The following BNC2 variants were observed in gnomAD, a reference collection of about 807,000 sequenced individuals.
BNC2 encodes basonuclin zinc finger protein 2, also known as zinc finger protein basonuclin-2.
BNC2 carries 20 observed loss-of-function variants against 76.3 expected under a neutral mutation model. The observed-to-expected ratio is 0.26, with a 90% CI of 0.18 to 0.38. The LOEUF (loss-of-function observed/expected upper bound fraction) is 0.38. Ranked by LOEUF, BNC2 falls within the 10% of genes least tolerant of loss-of-function variation. The probability of loss-of-function intolerance (pLI) is 1.00; values close to 1 mark genes in which losing one functional copy is unlikely to be tolerated. For synonymous variants in BNC2, 582 were observed against 514.8 expected, an observed-to-expected ratio of 1.13 and a Z score of -1.77; for missense variants, 1,382 against 1,399.8, an observed-to-expected ratio of 0.99 and a Z score of 0.20.
chr9:16,518,460 C>T (rs1418876727), intron 5 of BNC2, among the ~76,000 whole-genome samples: 1 of 152,010 alleles, frequency 6.6e-6, no homozygotes, highest in East Asian at 1.9e-4. Flanking sequence ...AAATAGAAAA[C>T]ATGCCTTTTA....
chr9:16,793,012 C>G (rs1184008282), intron 1 of BNC2, among the ~76,000 whole-genome samples: 2 of 152,164 alleles, frequency 1.3e-5, no homozygotes, highest in Non-Finnish European at 2.9e-5. Flanking sequence ...AAAAGATTCT[C>G]AATACCAAAT....
chr9:16,463,355 G>A (rs953313160), intron 5 of BNC2, among the ~76,000 whole-genome samples: 1 of 131,848 alleles, frequency 7.6e-6, no homozygotes, highest in Non-Finnish European at 1.5e-5. Context: ...GGAGTGCAGT[G>A]GCGGGATCTC....
In BNC2 at chr9:16,437,430, T is replaced by C; in HGVS notation, c.764A>G (p.Lys255Arg). 6.2e-7 allele frequency: 1 copy of C among 1,612,410 alleles called. No individual in the cohort carries two copies. The highest frequency in any genetic ancestry group is 1.1e-5 in the South Asian group (1 of 90,970). The stretch of plus-strand genomic sequence containing the variant: ...AATTGCCATCAGCTCCACAATGGAT[T>C]TGGTTTCTCCAAACCGCAGAAACTG... Reference protein sequence around the residue: ...LQQFLRFGETKSIVELMAIQE... With the variant: ...LQQFLRFGETRSIVELMAIQE... Residue 255 changes from lysine (K) to arginine (R), a missense_variant, in exon 6 of 7, where the codon AAA (lysine) becomes AGA (arginine). By Grantham distance (26) the Lys-to-Arg change is conservative (BLOSUM62 2). Around this residue, in one of 3 missense-constraint regions of BNC2, gnomAD observed 557 missense variants for 540.9 expected, o/e 1.03. Transcript: ENST00000380672.
intron 3 of BNC2, among the ~76,000 whole-genome samples, chr9:16,704,449 A>G (rs937526128): frequency 1.3e-5 from 2 of 152,158 alleles, no homozygotes; most frequent in Admixed American, 6.5e-5. Context: ...TCCACAGCCC[A>G]AATGACTGCA....
At chr9:16,589,083 T>C (rs998199547) in intron 3 of BNC2, among the ~76,000 whole-genome samples, 1 of 152,252 alleles carries the variant, frequency 6.6e-6, no homozygotes, top group African/African-American at 2.4e-5. Flanking sequence ...TTCTGGGTTT[T>C]GGTGTTCCAC....
chr9:16,547,822 G>T (rs140953139), intron 5 of BNC2, among the ~76,000 whole-genome samples: 6 of 152,260 alleles, frequency 3.9e-5, no homozygotes, highest in Non-Finnish European at 5.9e-5. Flanking sequence ...AAGTGGGAAG[G>T]GTTGGAGAAA....
At chr9:16,751,696 A>G (rs13290057) in intron 1 of BNC2, among the ~76,000 whole-genome samples, 70,494 of 102,194 alleles carry the variant, frequency 0.69, 21,897 homozygotes, top group Non-Finnish European at 0.76. Context: ...ATGTGTGTAT[A>G]TATATATATA....
At chr9:16,583,990 A>G (rs1025626112) in intron 3 of BNC2, among the ~76,000 whole-genome samples, 1 of 152,244 alleles carries the variant, frequency 6.6e-6, no homozygotes, top group African/African-American at 2.4e-5. Flanking sequence ...ATGTTTAAGA[A>G]TAGTGCTAAA....
chr9:16,493,251 A>G (rs1420799124), intron 5 of BNC2, among the ~76,000 whole-genome samples: 1 of 152,210 alleles, frequency 6.6e-6, no homozygotes, highest in Non-Finnish European at 1.5e-5. Flanking sequence ...CAACCAGTGC[A>G]TCCTGATAGG....
chr9:16,799,298 T>G (rs1028809868), intron 1 of BNC2, among the ~76,000 whole-genome samples: 1 of 152,018 alleles, frequency 6.6e-6, no homozygotes, highest in African/African-American at 2.4e-5. Context: ...CTGCAGAAAG[T>G]ATTTACTTTC....
intron 5 of BNC2, among the ~76,000 whole-genome samples, chr9:16,511,254 C>T (rs1007121089): frequency 2.0e-5 from 3 of 151,230 alleles, no homozygotes; most frequent in Non-Finnish European, 4.4e-5. Flanking sequence ...AGACTACAGG[C>T]ACCTGACACC....
intron 3 of BNC2, among the ~76,000 whole-genome samples, chr9:16,661,407 C>T (rs1822106752): frequency 6.6e-6 from 1 of 152,122 alleles, no homozygotes; most frequent in Non-Finnish European, 1.5e-5. Context: ...AGACTGACTT[C>T]AATAGTATAT....
At chr9:16,544,377 G>C (rs528380530) in intron 5 of BNC2, among the ~76,000 whole-genome samples, 1 of 151,934 alleles carries the variant, frequency 6.6e-6, no homozygotes, top group Non-Finnish European at 1.5e-5. Context: ...TATTTTATGC[G>C]ATAAGGTGCA....
At chr9:16,709,521 T>C (rs1335930973) in intron 3 of BNC2, among the ~76,000 whole-genome samples, 1 of 152,190 alleles carries the variant, frequency 6.6e-6, no homozygotes, top group East Asian at 1.9e-4. Context: ...TGGTTAGTTT[T>C]GAGACATGGA....
rs1199084798 is a variant in BNC2 at position 16,412,855 on chromosome 9, A to G, written c.*6134T>C. 1 of 152,636 alleles carries G rather than the reference A, an allele frequency of 6.6e-6. No homozygotes were observed. Among genetic ancestry groups the G allele is most frequent in the African/African-American group, 2.4e-5 (1 of 41,446 alleles). The allele number at this position is 152,636 out of a possible 1,614,324, so 9.5% of individuals were successfully genotyped here. A position where few individuals can be genotyped will look rare whatever the true frequency, so the allele number is the denominator to read the frequency against. On this transcript the variant is annotated 3_prime_UTR_variant, in exon 7 of 7. Coordinates refer to ENST00000380672, the MANE Select transcript of BNC2 (RefSeq NM_017637.6). ...CAATTTCTCCTTCACAAGGGGATAA[A>G]CAGGCAATTACGCATCCTTTTATAT... is the stretch of plus-strand genomic sequence containing the variant.
At chr9:16,857,716 CTT>C (rs1421126314) in intron 1 of BNC2, among the ~76,000 whole-genome samples, 1 of 152,102 alleles carries the variant, frequency 6.6e-6, no homozygotes, top group Non-Finnish European at 1.5e-5. Flanking sequence ...AATAATGAAA[CTT>C]TTGTCTAAAA....
At chr9:16,497,125 T>C (rs903538768) in intron 5 of BNC2, among the ~76,000 whole-genome samples, 1 of 152,352 alleles carries the variant, frequency 6.6e-6, no homozygotes, top group African/African-American at 2.4e-5. Flanking sequence ...GTGGTCACTA[T>C]TGTGCATGGC....
chr9:16,511,308 G>A (rs145128299), intron 5 of BNC2, among the ~76,000 whole-genome samples: 159 of 150,530 alleles, frequency 1.1e-3, no homozygotes, highest in African/African-American at 3.6e-3. Context: ...AAAGGGTCTT[G>A]CTATGTTACC....
chr9:16,485,130 A>T (rs983031166), intron 5 of BNC2, among the ~76,000 whole-genome samples: 3 of 150,066 alleles, frequency 2.0e-5, no homozygotes, highest in Non-Finnish European at 4.4e-5. Flanking sequence ...ACACACACAC[A>T]CTATTTCTAT....
Sources: gnomAD v4.1 joint callset for allele counts (sites outside exome capture counted in the v4.1 genomes callset) on GRCh38, gnomAD v4.1.1 for gene constraint, gnomAD v4.1.1 regional missense constraint, MANE v1.5 for transcripts, NCBI Gene and HGNC (gene_info 2026-07-23, HGNC 2026-07-21) for gene names.